The following KCTD3 variants were observed in gnomAD, a reference collection of about 807,000 sequenced individuals.
The protein encoded by KCTD3 is BTB/POZ domain-containing protein KCTD3.
A neutral mutation model predicts 85.8 loss-of-function variants in KCTD3; 41 were observed. That is an observed-to-expected ratio of 0.48 (90% CI 0.37 to 0.62). The LOEUF is 0.62. KCTD3 is among the 20% of genes least tolerant of loss of function. The pLI is 0.00. For missense variants in KCTD3, 724 were observed against 989.9 expected, an observed-to-expected ratio of 0.73 and a Z score of 3.60; for synonymous variants, 338 against 345.4, an observed-to-expected ratio of 0.98 and a Z score of 0.24.
At chr1:215,567,841 A>G in intron 1 of KCTD3, 73 bp downstream of exon 1, 1 of 1,041,198 alleles carries the variant, frequency 9.6e-7, no homozygotes, top group African/African-American at 1.6e-5. Flanking sequence ...ACGGGGACCG[A>G]GAGTCGCAGG....
Position 215,620,637 on chromosome 1 carries a change from A to T in KCTD3, c.*19A>T, listed in dbSNP as rs1037004231. The T allele has an allele frequency of 6.6e-7, 1 of 1,506,328 alleles. No individual in the cohort carries two copies. Among genetic ancestry groups the T allele is most frequent in the Non-Finnish European group, 9.0e-7 (1 of 1,113,080 alleles). 93.3% of individuals were successfully genotyped at this position (1,506,328 alleles called of 1,614,324 possible). On this transcript the variant is annotated 3_prime_UTR_variant, in exon 18 of 18. Coordinates refer to ENST00000259154, the MANE Select transcript of KCTD3 (RefSeq NM_016121.5). ...CTTGTGAAAACTCACCAAAATGAAT[A>T]GTTGTTTCGTTACATTTAGATGAAA...
intron 15 of KCTD3, among the ~76,000 whole-genome samples, chr1:215,617,760 G>C (rs1004341812): frequency 4.8e-5 from 7 of 146,736 alleles, no homozygotes; most frequent in African/African-American, 1.8e-4. Context: ...CCTTCCACTA[G>C]TTTTACATTG....
chr1:215,605,139 A>G (rs1654967009), intron 13 of KCTD3, among the ~76,000 whole-genome samples: 1 of 152,174 alleles, frequency 6.6e-6, no homozygotes, highest in Non-Finnish European at 1.5e-5. Context: ...TTTGTAGAGC[A>G]GTTCTTGCCC....
chr1:215,599,347 A>G (rs1654738347), intron 10 of KCTD3, among the ~76,000 whole-genome samples: 1 of 152,214 alleles, frequency 6.6e-6, no homozygotes, highest in Admixed American at 6.5e-5. Context: ...TTAAAAAGTA[A>G]TGGACGAAGG....
chr1:215,612,938 A>G (rs1473193291), intron 15 of KCTD3, among the ~76,000 whole-genome samples: 1 of 152,134 alleles, frequency 6.6e-6, no homozygotes, highest in Non-Finnish European at 1.5e-5. Context: ...ATGAGAACAC[A>G]TGGACACATG....
intron 14 of KCTD3, among the ~76,000 whole-genome samples, chr1:215,610,694 C>T (rs1224486004): frequency 6.6e-6 from 1 of 151,922 alleles, no homozygotes; most frequent in African/African-American, 2.4e-5. Context: ...AAGAGCCAGA[C>T]AGGTTTGTTT....
At chr1:215,613,958 T>G (rs1655328698) in intron 15 of KCTD3, among the ~76,000 whole-genome samples, 1 of 151,604 alleles carries the variant, frequency 6.6e-6, no homozygotes, top group Non-Finnish European at 1.5e-5. Context: ...TTCATTTGCT[T>G]AGGATTGCTT....
intron 8 of KCTD3, 84 bp from the exon 9 acceptor site, chr1:215,586,411 T>C: frequency 1.8e-6 from 2 of 1,122,620 alleles, no homozygotes; most frequent in Non-Finnish European, 2.5e-6. Context: ...TTTGTTGTTG[T>C]TTTTTGTTTT....
rs576424905 is a variant in KCTD3, at chr1:215,621,581, A to T, written c.*963A>T. On this transcript the variant is annotated 3_prime_UTR_variant, in exon 18 of 18. Transcript: ENST00000259154. ...AAGAGCAAAAGAACGTTTTTGTACA[A>T]TTTTTTTTCATTTAATTGGAATGAT... is the stretch of plus-strand genomic sequence containing the variant. The T allele has an allele frequency of 6.6e-6, 1 of 152,362 alleles. No homozygotes were observed. Among genetic ancestry groups the T allele is most frequent in the Admixed American group, 6.6e-5 (1 of 15,230 alleles). The allele number at this position is 152,362 out of a possible 1,614,324, so 9.4% of individuals were successfully genotyped here. A position where few individuals can be genotyped will look rare whatever the true frequency, so the allele number is the denominator to read the frequency against.
At chr1:215,574,751 C>T (rs953176186) in intron 3 of KCTD3, among the ~76,000 whole-genome samples, 7 of 152,076 alleles carry the variant, frequency 4.6e-5, no homozygotes, top group African/African-American at 1.7e-4. Context: ...TTGATGTGCT[C>T]TAATGAAAAC....
chr1:215,602,691 T>G (rs1558240365), intron 12 of KCTD3, among the ~76,000 whole-genome samples: 5 of 152,152 alleles, frequency 3.3e-5, no homozygotes, highest in Admixed American at 3.3e-4. Flanking sequence ...AACAGACTAG[T>G]TCTGTAAAGT....
intron 9 of KCTD3, among the ~76,000 whole-genome samples, chr1:215,591,419 G>A (rs1373334705): frequency 2.0e-5 from 3 of 151,082 alleles, no homozygotes; most frequent in Non-Finnish European, 4.4e-5. Flanking sequence ...GTGCAGTGGC[G>A]TGATCATGGC....
intron 9 of KCTD3, 142 bp from the exon 10 acceptor site, chr1:215,595,214 T>A (rs2102582344): frequency 1.7e-6 from 1 of 593,060 alleles, no homozygotes; most frequent in East Asian, 2.8e-5. Context: ...AGTTTCTTAT[T>A]TCTAGTCCCC....
chr1:215,576,707 A>G lies in KCTD3; in HGVS notation c.257+733A>G, dbSNP rs191230496. Among the ~76,000 whole-genome samples, 1,179 of 151,804 alleles carry G rather than the reference A, an allele frequency of 7.8e-3. 24 individuals are homozygous for G. The highest frequency in any genetic ancestry group is 0.068 in the South Asian group (324 of 4,796). ...CTTAGCCTCCCAAGTAGCTGGGACT[A>G]CAGGCACCCGCCACCACACCCGGCT... On this transcript the variant is annotated intron_variant, in intron 4 of 17. Transcript: ENST00000259154.
rs536132545 is a variant in KCTD3, at chr1:215,568,031, G to A, written c.83+263G>A. Among the ~76,000 whole-genome samples, 5 of 152,288 alleles carry A rather than the reference G, an allele frequency of 3.3e-5. No homozygotes were observed. The South Asian group carries it at 1.0e-3, about 32-fold the overall frequency. On this transcript the variant is annotated intron_variant, in intron 1 of 17. Transcript: ENST00000259154. Reference sequence around the variant, plus strand: ...GGCAGAGTAGCTGCTGTCCTAGAATGCCAACCTTTGCCCCTCCCAACAGGC... The same window carrying A: ...GGCAGAGTAGCTGCTGTCCTAGAATACCAACCTTTGCCCCTCCCAACAGGC...
At position 215,578,147 on chromosome 1, in the gene KCTD3, A is replaced by G. The variant is rs1659660156; in HGVS notation, c.397+66A>G. ...TCATTAAGCAAGTACAAGCATATGA[A>G]TAGGAAAAACTGCTCCTTGATTATT... is the stretch of plus-strand genomic sequence containing the variant. On this transcript the variant is annotated intron_variant, in intron 6 of 17. Transcript: ENST00000259154. The G allele has an allele frequency of 6.7e-6, 9 of 1,340,146 alleles. No homozygotes were observed. The South Asian group carries it at 1.2e-4, about 18-fold the overall frequency. The allele number at this position is 1,340,146 out of a possible 1,614,324, so 83.0% of individuals were successfully genotyped here.
intron 15 of KCTD3, among the ~76,000 whole-genome samples, chr1:215,613,097 C>T (rs930452878): frequency 6.6e-6 from 1 of 152,154 alleles, no homozygotes; most frequent in African/African-American, 2.4e-5. Context: ...ACATGTGTAA[C>T]AGACCTGCAC....
At position 215,596,409 on chromosome 1, in the gene KCTD3, A is replaced by G. The variant is rs558553111; in HGVS notation, c.933+938A>G. ...GTGAGAAATATTTGGAGTCCATAATATTTATGTGATAAAAAATTAATAAGA... is the reference window on the plus strand; with the variant it reads ...GTGAGAAATATTTGGAGTCCATAATGTTTATGTGATAAAAAATTAATAAGA... On this transcript the variant is annotated intron_variant, in intron 10 of 17. Coordinates refer to ENST00000259154, the MANE Select transcript of KCTD3 (RefSeq NM_016121.5). Among the ~76,000 whole-genome samples, 69 of 152,306 alleles carry G rather than the reference A, an allele frequency of 4.5e-4. No individual in the cohort carries two copies. In the Middle Eastern group the frequency reaches 0.01, roughly 23 times the overall value.
chr1:215,620,627 C>G lies in KCTD3; in HGVS notation c.*9C>G, dbSNP rs772457778. ...AGGAGTACAGCTTGTGAAAACTCAC[C>G]AAAATGAATAGTTGTTTCGTTACAT... On this transcript the variant is annotated 3_prime_UTR_variant, in exon 18 of 18. Coordinates refer to ENST00000259154, the MANE Select transcript of KCTD3 (RefSeq NM_016121.5). The G allele has an allele frequency of 2.0e-6, 3 of 1,536,476 alleles. No homozygotes were observed. The highest frequency in any genetic ancestry group is 2.6e-6 in the Non-Finnish European group (3 of 1,136,794).
Sources: allele counts gnomAD v4.1 joint callset (sites outside exome capture counted in the v4.1 genomes callset), GRCh38; gene constraint gnomAD v4.1.1; transcripts MANE v1.5; gene names NCBI Gene and HGNC (gene_info 2026-07-23, HGNC 2026-07-21).